The following RGS6 variants were observed in gnomAD, a reference collection of about 807,000 sequenced individuals.
RGS6 encodes the protein regulator of G-protein signaling 6.
In RGS6, 30 loss-of-function variants were observed where a neutral mutation model predicts 78.5. That is an observed-to-expected ratio of 0.38 (90% CI 0.29 to 0.52). The LOEUF (loss-of-function observed/expected upper bound fraction) is 0.52, where lower values mean the gene tolerates loss of function less well. Ranked by LOEUF, RGS6 falls within the 20% of genes least tolerant of loss-of-function variation. The pLI is 0.85. For synonymous variants in RGS6, 206 were observed against 206.0 expected (o/e 1.00, Z 0.00); for missense variants, 495 against 609.7 (o/e 0.81, Z 1.98).
At chr14:72,342,696 C>T (rs2077249957) in intron 2 of RGS6, among the ~76,000 whole-genome samples, 1 of 137,722 alleles carries the variant, frequency 7.3e-6, no homozygotes, top group Non-Finnish European at 1.5e-5. Flanking sequence ...GGCCACTGCA[C>T]TCTAGCCTGT....
chr14:71,920,357 T>A, the RGS6 span, among the ~76,000 whole-genome samples: 10 of 152,216 alleles, frequency 6.6e-5, no homozygotes, highest in African/African-American at 2.4e-4. Context: ...ATATCACATA[T>A]AAAGGAGGAG....
chr14:72,267,786 CCTT>C (rs2059303569), intron 2 of RGS6, among the ~76,000 whole-genome samples: 1 of 152,160 alleles, frequency 6.6e-6, no homozygotes, highest in South Asian at 2.1e-4. Context: ...GAGCTGAATC[CCTT>C]CTTTCAGCCT....
chr14:72,396,473 A>T (rs2091301951), intron 3 of RGS6, among the ~76,000 whole-genome samples: 1 of 151,596 alleles, frequency 6.6e-6, no homozygotes, highest in South Asian at 2.1e-4. Flanking sequence ...GGTTGCAAAA[A>T]TTTTCTTCCA....
the RGS6 span, among the ~76,000 whole-genome samples, chr14:71,887,744 T>C: frequency 1.3e-5 from 2 of 152,220 alleles, no homozygotes; most frequent in South Asian, 2.1e-4. Flanking sequence ...CTGCTGAACA[T>C]AGACCCTTAT....
chr14:72,468,252 G>A (rs1239990958), intron 7 of RGS6, among the ~76,000 whole-genome samples: 5 of 152,002 alleles, frequency 3.3e-5, no homozygotes, highest in East Asian at 1.9e-4. Context: ...AGTGGCACAC[G>A]CCTGTAGATC....
At chr14:72,151,820 A>G (rs1157909148) in intron 2 of RGS6, among the ~76,000 whole-genome samples, 2 of 152,244 alleles carry the variant, frequency 1.3e-5, no homozygotes, top group Non-Finnish European at 2.9e-5. Flanking sequence ...GATCAGTTCT[A>G]TCAGAACCAT....
chr14:71,943,933 C>T (rs2091061266), intron 1 of RGS6, among the ~76,000 whole-genome samples: 1 of 152,098 alleles, frequency 6.6e-6, no homozygotes, highest in Non-Finnish European at 1.5e-5. Flanking sequence ...ATGCAAGGTG[C>T]ACGTGGTTAT....
chr14:72,583,797 G>A, the RGS6 span, among the ~76,000 whole-genome samples: 1 of 152,182 alleles, frequency 6.6e-6, no homozygotes, highest in East Asian at 1.9e-4. Flanking sequence ...TATGGTGCCA[G>A]TTTGGATCTG....
chr14:72,120,329 C>T (rs1234912586), intron 2 of RGS6, among the ~76,000 whole-genome samples: 1 of 152,154 alleles, frequency 6.6e-6, no homozygotes, highest in Admixed American at 6.5e-5. Flanking sequence ...GCCCCAGCTA[C>T]AAAACAGATA....
chr14:72,183,894 G>C (rs1225870716), intron 2 of RGS6, among the ~76,000 whole-genome samples: 3 of 152,230 alleles, frequency 2.0e-5, no homozygotes, highest in East Asian at 3.9e-4. Flanking sequence ...GTAGTTGCTC[G>C]TGTTGGCTCA....
At chr14:72,298,415 T>G (rs938642688) in intron 2 of RGS6, among the ~76,000 whole-genome samples, 3 of 149,780 alleles carry the variant, frequency 2.0e-5, no homozygotes, top group Admixed American at 1.3e-4. Flanking sequence ...TAATGAGAGA[T>G]ATTGTCATTA....
In RGS6 at chr14:72,499,437, C is replaced by T. The variant is rs544662692; in HGVS notation, c.965+4175C>T. Among the ~76,000 whole-genome samples, 6 of 152,276 alleles carry T rather than the reference C, an allele frequency of 3.9e-5. No individual in the cohort carries two copies. In the South Asian group the frequency reaches 1.2e-3, roughly 32 times the overall value. On this transcript the variant is annotated intron_variant, in intron 13 of 17. Coordinates refer to ENST00000553525, the MANE Select transcript of RGS6 (RefSeq NM_001204424.2). Reference sequence around the variant, plus strand: ...TGATGCCACCCACTGCCTCCACTTCCAATCCTGCTGCTCAGAGCTCGGGGT... The same window carrying T: ...TGATGCCACCCACTGCCTCCACTTCTAATCCTGCTGCTCAGAGCTCGGGGT...
chr14:72,513,597 TCA>T (rs1598540822), intron 14 of RGS6, among the ~76,000 whole-genome samples: 1 of 152,220 alleles, frequency 6.6e-6, no homozygotes, highest in East Asian at 1.9e-4. Context: ...GGCAGGGGCC[TCA>T]CAGCTCTGAT....
intron 2 of RGS6, among the ~76,000 whole-genome samples, chr14:72,233,453 C>T (rs1020361635): frequency 5.9e-5 from 9 of 152,046 alleles, no homozygotes; most frequent in African/African-American, 7.2e-5. Flanking sequence ...ATGCAAACCT[C>T]GTGGGACTTA....
chr14:71,986,872 C>T (rs2094733605), intron 2 of RGS6, among the ~76,000 whole-genome samples: 3 of 152,212 alleles, frequency 2.0e-5, no homozygotes, highest in South Asian at 4.1e-4. Flanking sequence ...TTCCCTAAGT[C>T]ATAGCCCCAC....
chr14:72,129,406 G>A (rs1240179157), intron 2 of RGS6, among the ~76,000 whole-genome samples: 1 of 152,146 alleles, frequency 6.6e-6, no homozygotes, highest in Non-Finnish European at 1.5e-5. Context: ...TGAAATAAGT[G>A]TTGATATTTG....
At chr14:72,365,962 G>GTCTCC (rs2152812671) in intron 3 of RGS6, among the ~76,000 whole-genome samples, 2 of 152,198 alleles carry the variant, frequency 1.3e-5, no homozygotes, top group Admixed American at 1.3e-4. Context: ...TGGAAGTGAG[G>GTCTCC]AGCCAAAGTC....
chr14:72,049,859 T>C (rs991604345), intron 2 of RGS6, among the ~76,000 whole-genome samples: 15 of 152,200 alleles, frequency 9.9e-5, no homozygotes, highest in Admixed American at 2.0e-4. Flanking sequence ...TTTGAAGATA[T>C]GCTGTATCAA....
Position 72,518,470 on chromosome 14 carries a change from C to G in RGS6, c.1211C>G (p.Ser404Cys). Residue 404 changes from serine (S) to cysteine (C), a missense_variant, in exon 15 of 18, where the codon TCT becomes TGT. Physicochemically the swap from Ser to Cys is moderately radical, Grantham distance 112 (BLOSUM62 -1). Coordinates refer to ENST00000553525, the MANE Select transcript of RGS6 (RefSeq NM_001204424.2). ...GCTCCAAGTGCAATCAACCTGGATT[C>G]TCACAGCTATGAGATAACCAGTCAA... ...PGAPSAINLD[S>C]HSYEITSQNV... 1 of 1,614,194 alleles carries G rather than the reference C, an allele frequency of 6.2e-7. No individual in the cohort carries two copies. Among genetic ancestry groups the G allele is most frequent in the Non-Finnish European group, 8.5e-7 (1 of 1,180,028 alleles).
Sources: gnomAD v4.1 joint callset for allele counts (sites outside exome capture counted in the v4.1 genomes callset) on GRCh38, gnomAD v4.1.1 for gene constraint, MANE v1.5 for transcripts, NCBI Gene and HGNC (gene_info 2026-07-23, HGNC 2026-07-21) for gene names.